PRMT8: variants seen among roughly 807,000 people sequenced by gnomAD.
The protein encoded by PRMT8 is protein arginine methyltransferase 8.
In PRMT8, 7 loss-of-function variants were observed where a neutral mutation model predicts 47.1. That is an observed-to-expected ratio of 0.15 (90% CI 0.08 to 0.28). The LOEUF is 0.28. Among genes scored for constraint, PRMT8 ranks in the 10% least tolerant of loss-of-function variants. The probability of loss-of-function intolerance (pLI) is 1.00; values close to 1 mark genes in which losing one functional copy is unlikely to be tolerated. For synonymous variants in PRMT8, 188 were observed against 186.5 expected (o/e 1.01, Z -0.07); for missense variants, 237 against 505.4 (o/e 0.47, Z 5.09).
At chr12:3,429,302 C>G (rs963256103) in intron 1 of PRMT8, among the ~76,000 whole-genome samples, 4 of 151,748 alleles carry the variant, frequency 2.6e-5, no homozygotes, top group Non-Finnish European at 4.4e-5. Flanking sequence ...TGCTGGCCAG[C>G]CTATTTCACA....
In PRMT8 at chr12:3,508,683, C is replaced by T. The variant is rs11608517; in HGVS notation, c.75+16983C>T. 0.081 allele frequency among the ~76,000 whole-genome samples: 12,401 copies of T among 152,206 alleles called. 593 individuals carry two copies. Among genetic ancestry groups the T allele is most frequent in the African/African-American group, 0.13 (5,560 of 41,502 alleles). ...TCTGCCTGCTGTCTCCGGGTGACCC[C>T]ATCCACTCTCTCAGCGTCATGACCA... is the stretch of plus-strand genomic sequence containing the variant. On this transcript the variant is annotated intron_variant, in intron 1 of 9. Coordinates refer to ENST00000382622, the MANE Select transcript of PRMT8 (RefSeq NM_019854.5). The surrounding 1 kb of genome is among the most constrained non-coding windows in gnomAD (Gnocchi z 4.9).
chr12:3,464,093 T>A (rs1865065739), intron 1 of PRMT8, among the ~76,000 whole-genome samples: 1 of 152,062 alleles, frequency 6.6e-6, no homozygotes, highest in Admixed American at 6.5e-5. Flanking sequence ...GGGGAGGGGA[T>A]CTTTAGCGAC....
rs1394241843 is a variant in PRMT8, at chr12:3,564,366, G to A, written c.482-4340G>A. On this transcript the variant is annotated intron_variant, in intron 4 of 9. Coordinates refer to ENST00000382622, the MANE Select transcript of PRMT8 (RefSeq NM_019854.5). The surrounding 1 kb of genome is among the most constrained non-coding windows in gnomAD (Gnocchi z 4.0). ...AGCTGACCCTGATGGATGCACTGGA[G>A]GCTCAAATGAGGTTGAGCTGGCCTG... Among the ~76,000 whole-genome samples the A allele has an allele frequency of 1.3e-5, 2 of 152,142 alleles. No homozygotes were observed. The highest frequency in any genetic ancestry group is 6.3e-3 in the Middle Eastern group (2 of 316).
intron 1 of PRMT8, among the ~76,000 whole-genome samples, chr12:3,473,169 A>G (rs887358): frequency 0.27 from 40,421 of 151,930 alleles, 5,997 homozygotes; most frequent in Non-Finnish European, 0.33. Flanking sequence ...CACTGTCTTT[A>G]TGTTCCCCTC....
intron 1 of PRMT8, among the ~76,000 whole-genome samples, chr12:3,458,153 C>T (rs1488193667): frequency 6.6e-6 from 1 of 152,152 alleles, no homozygotes; most frequent in Non-Finnish European, 1.5e-5. Flanking sequence ...GCCTTTTGTT[C>T]CCCGCTATTC....
chr12:3,568,741 G>A lies in PRMT8; in HGVS notation c.517G>A (p.Glu173Lys), dbSNP rs1465153119. ...ATTTAAGGGTAAAGTGGAAGAGGTG[G>A]AGCTGCCTGTGGAGAAGGTGGACAT... The part of the protein sequence containing the change: ...TIFKGKVEEV[E>K]LPVEKVDIII... Residue 173 changes from glutamate to lysine, a missense_variant, in exon 5 of 10, where the codon GAG (glutamate) becomes AAG (lysine). Physicochemically the swap from Glu to Lys is moderately conservative, Grantham distance 56. Transcript: ENST00000382622. 6.2e-7 allele frequency: 1 copy of A among 1,614,160 alleles called. No individual in the cohort carries two copies. Among genetic ancestry groups the A allele is most frequent in the Non-Finnish European group, 8.5e-7 (1 of 1,180,032 alleles).
rs1865255172 is a variant in PRMT8, at chr12:3,479,760, A to G, written c.49-60846A>G. 2.0e-5 allele frequency among the ~76,000 whole-genome samples: 3 copies of G among 152,314 alleles called. No homozygotes were observed. The South Asian group carries it at 6.2e-4, about 32-fold the overall frequency. On this transcript the variant is annotated intron_variant, in intron 1 of 9. Transcript: ENST00000452611. The stretch of plus-strand genomic sequence containing the variant: ...CACTCAATGCCCTTGGCCTTATGCC[A>G]TCTTTGCCTAGGAATAAGAAGGCCT...
rs375129355 is a variant in PRMT8 at position 3,419,549 on chromosome 12, C to T, written c.48+38107C>T. On this transcript the variant is annotated intron_variant, in intron 1 of 9. Transcript: ENST00000452611. ...ACTTCTCCCCTTTGCCCCCTCGCCACCCACCCCTTGCCTAAGCAATCACCA... is the reference window on the plus strand; with the variant it reads ...ACTTCTCCCCTTTGCCCCCTCGCCATCCACCCCTTGCCTAAGCAATCACCA... Among the ~76,000 whole-genome samples the T allele has an allele frequency of 1.5e-4, 23 of 152,292 alleles. No individual in the cohort carries two copies. The East Asian group carries it at 3.3e-3, about 22-fold the overall frequency.
At chr12:3,560,345 C>G (rs989780369) in intron 4 of PRMT8, among the ~76,000 whole-genome samples, 1 of 152,244 alleles carries the variant, frequency 6.6e-6, no homozygotes, top group African/African-American at 2.4e-5. Context: ...CCCTCTCCAC[C>G]TCCGTACAGC....
intron 1 of PRMT8, among the ~76,000 whole-genome samples, chr12:3,426,570 G>A (rs1864606324): frequency 6.6e-6 from 1 of 152,212 alleles, no homozygotes; most frequent in African/African-American, 2.4e-5. Flanking sequence ...TTCTGAAGTA[G>A]AGAGCTGTCT....
At chr12:3,469,131 C>T in intron 1 of PRMT8, 1 of 494,768 alleles carries the variant, frequency 2.0e-6, no homozygotes, top group South Asian at 1.5e-5. Flanking sequence ...GTCTTCCATG[C>T]CTATGTGCTT....
At chr12:3,430,657 C>T (rs1864665786) in intron 1 of PRMT8, among the ~76,000 whole-genome samples, 2 of 152,230 alleles carry the variant, frequency 1.3e-5, no homozygotes, top group Admixed American at 1.3e-4. Flanking sequence ...CTTAATTGTA[C>T]TCATATTTTC....
chr12:3,427,113 T>G (rs1222427710), intron 1 of PRMT8, among the ~76,000 whole-genome samples: 1 of 152,218 alleles, frequency 6.6e-6, no homozygotes. Context: ...TATTAGTTTT[T>G]TAGACCAAAG....
At chr12:3,486,305 T>TGAGAACCTATTGGTTCTCATAG (rs1865323034), upstream of PRMT8, among the ~76,000 whole-genome samples, 1 of 152,018 alleles carries the variant, frequency 6.6e-6, no homozygotes, top group Non-Finnish European at 1.5e-5. Context: ...ATTTAACCTA[T>TGAGAACCTATTGGTTCTCATAG]GAGAACCAAT....
chr12:3,552,231 A>C lies in PRMT8; in HGVS notation c.418-1420A>C, dbSNP rs1259130936. On this transcript the variant is annotated intron_variant, in intron 3 of 9. Transcript: ENST00000382622. The surrounding 1 kb of genome is among the most constrained non-coding windows in gnomAD (Gnocchi z 4.5). ...GACAAAGTGAGATTTTGTCTCAAAAAATAAGAATCAGAAAAGTGAAGACAG... is the reference window on the plus strand; with the variant it reads ...GACAAAGTGAGATTTTGTCTCAAAACATAAGAATCAGAAAAGTGAAGACAG... The C allele has an allele frequency of 1.3e-5, 2 of 153,564 alleles. No individual in the cohort carries two copies. The highest frequency in any genetic ancestry group is 4.8e-5 in the African/African-American group (2 of 41,460). 9.5% of individuals were successfully genotyped at this position (153,564 alleles called of 1,614,324 possible).
intron 2 of PRMT8, among the ~76,000 whole-genome samples, chr12:3,543,732 C>T (rs1866274772): frequency 6.6e-6 from 1 of 152,214 alleles, no homozygotes; most frequent in Non-Finnish European, 1.5e-5. Context: ...TATCCCCAGC[C>T]TCCAGAGGGC....
intron 1 of PRMT8, among the ~76,000 whole-genome samples, chr12:3,505,047 G>A (rs541154351): frequency 7.3e-6 from 1 of 137,414 alleles, no homozygotes; most frequent in Non-Finnish European, 1.6e-5. Flanking sequence ...GCAATGCCTC[G>A]CCCTGCTTCG....
chr12:3,395,942 A>C (rs1377645901), intron 1 of PRMT8, among the ~76,000 whole-genome samples: 1 of 151,662 alleles, frequency 6.6e-6, no homozygotes, highest in Non-Finnish European at 1.5e-5. Context: ...CTTCTTGTTG[A>C]ATTGATCCCT....
At chr12:3,412,451 T>A (rs961908888) in intron 1 of PRMT8, among the ~76,000 whole-genome samples, 2 of 152,222 alleles carry the variant, frequency 1.3e-5, no homozygotes, top group African/African-American at 4.8e-5. Context: ...CAACAAAAAA[T>A]TAACTTTAGC....
Sources: gnomAD v4.1 joint callset for allele counts (sites outside exome capture counted in the v4.1 genomes callset) on GRCh38, gnomAD v4.1.1 for gene constraint, Gnocchi (gnomAD v3.1) non-coding constraint, MANE v1.5 for transcripts, NCBI Gene and HGNC (gene_info 2026-07-23, HGNC 2026-07-21) for gene names.